Variants in ADGRB3 observed in about 807,000 individuals in gnomAD.
The protein encoded by ADGRB3 is adhesion G protein-coupled receptor B3.
A neutral mutation model predicts 193.4 loss-of-function variants in ADGRB3; 37 were observed. That is an observed-to-expected ratio of 0.19 (90% confidence interval 0.15 to 0.25). The LOEUF is 0.25. Ranked by LOEUF, ADGRB3 falls within the 10% of genes least tolerant of loss-of-function variation. The probability of loss-of-function intolerance (pLI) is 1.00; values close to 1 mark genes in which losing one functional copy is unlikely to be tolerated. For synonymous variants in ADGRB3, 690 were observed against 644.2 expected (o/e 1.07, Z -1.08); for missense variants, 1,637 against 1,852.9 (o/e 0.88, Z 2.14).
chr6:68,938,805 C>T (rs1039851390), intron 5 of ADGRB3, among the ~76,000 whole-genome samples: 3 of 152,020 alleles, frequency 2.0e-5, no homozygotes, highest in Non-Finnish European at 2.9e-5. Flanking sequence ...ATAAGGAGAT[C>T]CAGGATCAAG....
At chr6:69,044,051 A>G (rs2150300187) in intron 13 of ADGRB3, among the ~76,000 whole-genome samples, 1 of 152,246 alleles carries the variant, frequency 6.6e-6, no homozygotes, top group East Asian at 1.9e-4. Flanking sequence ...AAAAAAACAA[A>G]AACAAAAACA....
At chr6:69,366,489 A>G (rs561325719) in intron 29 of ADGRB3, among the ~76,000 whole-genome samples, 1 of 152,270 alleles carries the variant, frequency 6.6e-6, no homozygotes, top group Non-Finnish European at 1.5e-5. Context: ...ATTCCCTTTG[A>G]GAAATTATTC....
At chr6:68,806,227 T>G (rs755670338) in intron 3 of ADGRB3, among the ~76,000 whole-genome samples, 1 of 152,220 alleles carries the variant, frequency 6.6e-6, no homozygotes. Flanking sequence ...AATTCCAGAA[T>G]GTAGTAAGTC....
chr6:69,204,733 C>T (rs944776908), intron 17 of ADGRB3, among the ~76,000 whole-genome samples: 1 of 152,038 alleles, frequency 6.6e-6, no homozygotes, highest in Non-Finnish European at 1.5e-5. Context: ...CTATTGCCAC[C>T]GTTAATTGTT....
At chr6:68,677,521 C>CTTTTTTTTT (rs1002070733) in intron 3 of ADGRB3, among the ~76,000 whole-genome samples, 667 of 120,132 alleles carry the variant, frequency 5.6e-3, no homozygotes, top group Non-Finnish European at 8.5e-3. Context: ...TTCTTTTTTT[C>CTTTTTTTTT]TTTTTTTTTT....
intron 3 of ADGRB3, among the ~76,000 whole-genome samples, chr6:68,696,788 G>A (rs892577584): frequency 2.6e-5 from 4 of 151,898 alleles, no homozygotes; most frequent in African/African-American, 4.8e-5. Context: ...TATTACAGGA[G>A]GTCAACATGA....
Position 69,128,719 on chromosome 6 carries a change from C to T in ADGRB3, c.2480+52681C>T, listed in dbSNP as rs192445867. ...ACTCTTTTTCAAAATGTAGGTTTAG[C>T]TTTGTTAAACTGACTATTTTCAGAC... On this transcript the variant is annotated intron_variant, in intron 17 of 31. Coordinates refer to ENST00000370598, the MANE Select transcript of ADGRB3 (RefSeq NM_001704.3). 7.2e-5 allele frequency among the ~76,000 whole-genome samples: 11 copies of T among 152,224 alleles called. No individual in the cohort carries two copies. The East Asian group carries it at 1.9e-3, about 27-fold the overall frequency.
chr6:68,669,513 A>T, intron 3 of ADGRB3, among the ~76,000 whole-genome samples: 1 of 151,364 alleles, frequency 6.6e-6, no homozygotes, highest in East Asian at 2.0e-4. Flanking sequence ...TTCTGTGCTG[A>T]GCTTATTTCA....
At chr6:69,270,901 A>C (rs987526197) in intron 20 of ADGRB3, among the ~76,000 whole-genome samples, 4 of 152,182 alleles carry the variant, frequency 2.6e-5, no homozygotes, top group African/African-American at 9.6e-5. Context: ...TAAAGGGAAA[A>C]ACTTATATAG....
chr6:69,003,359 A>C (rs544754718), intron 11 of ADGRB3, among the ~76,000 whole-genome samples: 165 of 152,192 alleles, frequency 1.1e-3, no homozygotes, highest in Middle Eastern at 0.01. Context: ...TTCACTTATT[A>C]TGGAAGAAAA....
At chr6:68,677,820 T>C (rs1769135600) in intron 3 of ADGRB3, among the ~76,000 whole-genome samples, 3 of 152,174 alleles carry the variant, frequency 2.0e-5, no homozygotes. Context: ...TTGGCCAGGC[T>C]GGTCTTGAAC....
chr6:68,742,764 C>A (rs1429676898), intron 3 of ADGRB3, among the ~76,000 whole-genome samples: 1 of 151,874 alleles, frequency 6.6e-6, no homozygotes, highest in Non-Finnish European at 1.5e-5. Flanking sequence ...AAAGTAGCCA[C>A]GTAAACTTCT....
At chr6:69,232,192 G>A (rs1302812195) in intron 17 of ADGRB3, among the ~76,000 whole-genome samples, 1 of 152,156 alleles carries the variant, frequency 6.6e-6, no homozygotes, top group Non-Finnish European at 1.5e-5. Flanking sequence ...ATGCCTGGGG[G>A]AGGGGAGGTG....
At chr6:69,125,913 A>G (rs560608414) in intron 17 of ADGRB3, among the ~76,000 whole-genome samples, 1 of 152,242 alleles carries the variant, frequency 6.6e-6, no homozygotes, top group South Asian at 2.1e-4. Context: ...TCCCATTCTT[A>G]AGAATATGTT....
intron 17 of ADGRB3, among the ~76,000 whole-genome samples, chr6:69,084,032 C>A (rs1772477377): frequency 6.6e-6 from 1 of 152,054 alleles, no homozygotes; most frequent in Non-Finnish European, 1.5e-5. Context: ...ACCTCGGCCT[C>A]CCAAAGTGCT....
chr6:69,008,931 G>A (rs1769852894), intron 11 of ADGRB3, among the ~76,000 whole-genome samples: 1 of 151,970 alleles, frequency 6.6e-6, no homozygotes, highest in Admixed American at 6.6e-5. Context: ...TGGACATAAG[G>A]AGAGCCCTGG....
At chr6:68,845,241 A>G (rs557065153) in intron 3 of ADGRB3, among the ~76,000 whole-genome samples, 2 of 152,302 alleles carry the variant, frequency 1.3e-5, no homozygotes, top group South Asian at 2.1e-4. Flanking sequence ...TAGATCTATT[A>G]TGTACTGATA....
intron 17 of ADGRB3, among the ~76,000 whole-genome samples, chr6:69,168,011 T>A (rs528639269): frequency 6.6e-6 from 1 of 152,260 alleles, no homozygotes; most frequent in African/African-American, 2.4e-5. Context: ...CGATGTATGA[T>A]CTCCTCATAC....
chr6:69,217,906 T>TA (rs1765800444), intron 17 of ADGRB3, among the ~76,000 whole-genome samples: 3 of 147,694 alleles, frequency 2.0e-5, no homozygotes, highest in Non-Finnish European at 4.5e-5. Flanking sequence ...GTATTCAGTT[T>TA]TAAAAAAAAC....
Sources: gnomAD v4.1 joint callset for allele counts (sites outside exome capture counted in the v4.1 genomes callset) on GRCh38, gnomAD v4.1.1 for gene constraint, MANE v1.5 for transcripts, NCBI Gene and HGNC (gene_info 2026-07-23, HGNC 2026-07-21) for gene names.